The following NCK1 variants were observed in gnomAD, a reference collection of about 807,000 sequenced individuals.
NCK1 encodes SH2/SH3 adapter protein NCK1.
In NCK1, 19 loss-of-function variants were observed where a neutral mutation model predicts 36.6. The observed-to-expected ratio is 0.52, with a 90% CI of 0.36 to 0.76. NCK1 has a LOEUF of 0.76. NCK1 is among the 30% of genes least tolerant of loss of function. The pLI is 0.00. For missense variants in NCK1, 358 were observed against 445.6 expected, an observed-to-expected ratio of 0.80 and a Z score of 1.77; for synonymous variants, 165 against 156.0, an observed-to-expected ratio of 1.06 and a Z score of -0.43.
chr3:136,937,604 T>G (rs1362035342), intron 2 of NCK1, among the ~76,000 whole-genome samples: 1 of 152,206 alleles, frequency 6.6e-6, no homozygotes, highest in African/African-American at 2.4e-5. Context: ...TATTTAAGTC[T>G]TCTTTAATTT....
intron 1 of NCK1, among the ~76,000 whole-genome samples, chr3:136,885,408 C>G (rs1156778608): frequency 1.3e-5 from 2 of 152,146 alleles, no homozygotes; most frequent in Admixed American, 1.3e-4. Flanking sequence ...AGTACAGTGG[C>G]CTGATAACTC....
At chr3:136,930,324 TAAG>T (rs1940358894) in intron 2 of NCK1, 1 of 485,914 alleles carries the variant, frequency 2.1e-6, no homozygotes, top group Non-Finnish European at 3.1e-6. Flanking sequence ...GTCTGAATAA[TAAG>T]GTCATATTTT....
chr3:136,924,295 A>C (rs901982899), intron 1 of NCK1, among the ~76,000 whole-genome samples: 1 of 152,240 alleles, frequency 6.6e-6, no homozygotes, highest in Non-Finnish European at 1.5e-5. Flanking sequence ...CTCTAGAAAT[A>C]ATTACCAGTT....
chr3:136,948,474 T>G lies in NCK1; in HGVS notation c.*21T>G, dbSNP rs940776085. Reference sequence around the variant, plus strand: ...CATGATACTGCTGACCAGAAGTGACTGCTGTGTAGCTGTAATTTGTCATGT... The same window carrying G: ...CATGATACTGCTGACCAGAAGTGACGGCTGTGTAGCTGTAATTTGTCATGT... On this transcript the variant is annotated 3_prime_UTR_variant, in exon 4 of 4. Coordinates refer to ENST00000481752, the MANE Select transcript of NCK1 (RefSeq NM_001291999.2). 9.4e-6 allele frequency: 15 copies of G among 1,593,842 alleles called. No individual in the cohort carries two copies. The highest frequency in any genetic ancestry group is 1.1e-5 in the Non-Finnish European group (13 of 1,166,728).
At chr3:136,914,525 G>C (rs535702562) in intron 1 of NCK1, among the ~76,000 whole-genome samples, 1 of 152,176 alleles carries the variant, frequency 6.6e-6, no homozygotes, top group Non-Finnish European at 1.5e-5. Context: ...TTTCATTAGA[G>C]TTAGAAGAGT....
intron 2 of NCK1, among the ~76,000 whole-genome samples, chr3:136,939,815 C>A: frequency 7.9e-6 from 1 of 126,916 alleles, no homozygotes; most frequent in Admixed American, 7.8e-5. Context: ...CTTTGTATGA[C>A]TTCAATCTCA....
chr3:136,887,716 A>G (rs141663091), intron 1 of NCK1, among the ~76,000 whole-genome samples: 2 of 152,266 alleles, frequency 1.3e-5, no homozygotes, highest in African/African-American at 4.8e-5. Flanking sequence ...GGAGAAGAGG[A>G]CAGGGAAAGA....
chr3:136,929,477 T>G (rs891089302), intron 2 of NCK1, among the ~76,000 whole-genome samples: 5 of 152,234 alleles, frequency 3.3e-5, no homozygotes, highest in African/African-American at 1.2e-4. Flanking sequence ...TAAATACTTT[T>G]GGGTTTTGTG....
intron 2 of NCK1, among the ~76,000 whole-genome samples, chr3:136,936,429 G>T (rs1364652277): frequency 6.6e-6 from 1 of 152,112 alleles, no homozygotes; most frequent in Non-Finnish European, 1.5e-5. Context: ...CCATATTTTG[G>T]TTATTGTGAA....
At chr3:136,913,741 C>T (rs960051216) in intron 1 of NCK1, among the ~76,000 whole-genome samples, 7 of 152,188 alleles carry the variant, frequency 4.6e-5, no homozygotes, top group Non-Finnish European at 7.4e-5. Context: ...CGATCTCGGC[C>T]CACTGCAAGC....
intron 1 of NCK1, among the ~76,000 whole-genome samples, chr3:136,912,800 C>T (rs541833365): frequency 4.7e-4 from 72 of 152,064 alleles, no homozygotes; most frequent in African/African-American, 1.5e-3. Context: ...GAACTACTTG[C>T]GCTGCTGTGC....
At chr3:136,882,318 C>T (rs570086788) in intron 1 of NCK1, among the ~76,000 whole-genome samples, 85 of 152,018 alleles carry the variant, frequency 5.6e-4, no homozygotes, top group African/African-American at 2.0e-3. Context: ...GTATATATTT[C>T]GAGAAATGTC....
intron 1 of NCK1, among the ~76,000 whole-genome samples, chr3:136,916,688 A>T (rs181963150): frequency 1.3e-5 from 2 of 152,346 alleles, no homozygotes; most frequent in East Asian, 3.9e-4. Flanking sequence ...TAATAATTAG[A>T]TTAGAAGGGT....
intron 2 of NCK1, among the ~76,000 whole-genome samples, chr3:136,932,118 CA>C (rs1288026754): frequency 0.026 from 1,555 of 59,326 alleles, 14 homozygotes; most frequent in African/African-American, 0.06. Flanking sequence ...GACTCCATCT[CA>C]AAAAAAAAAA....
chr3:136,923,194 A>G (rs990773661), intron 1 of NCK1, among the ~76,000 whole-genome samples: 1 of 152,054 alleles, frequency 6.6e-6, no homozygotes, highest in Non-Finnish European at 1.5e-5. Flanking sequence ...CAATTTTCTT[A>G]TATATTTTTC....
intron 1 of NCK1, among the ~76,000 whole-genome samples, chr3:136,864,011 G>C (rs1012862264): frequency 3.2e-4 from 48 of 152,214 alleles, no homozygotes; most frequent in African/African-American, 1.1e-3. Flanking sequence ...TGAGGCAGGA[G>C]AATGGCGTGA....
At chr3:136,930,202 G>A (rs1429251296) in intron 2 of NCK1, among the ~76,000 whole-genome samples, 2 of 152,102 alleles carry the variant, frequency 1.3e-5, no homozygotes, top group Non-Finnish European at 2.9e-5. Context: ...GGTTGTGCTG[G>A]TGGAGACATT....
At chr3:136,881,514 G>A (rs1467252971) in intron 1 of NCK1, among the ~76,000 whole-genome samples, 3 of 152,170 alleles carry the variant, frequency 2.0e-5, no homozygotes, top group African/African-American at 7.2e-5. Flanking sequence ...ACCACGCCCA[G>A]CTTCTATTTT....
At chr3:136,926,095 A>G (rs1940229502) in intron 1 of NCK1, among the ~76,000 whole-genome samples, 1 of 152,060 alleles carries the variant, frequency 6.6e-6, no homozygotes, top group South Asian at 2.1e-4. Flanking sequence ...ATACCTTTTC[A>G]TCTGCTTATT....
Sources: gnomAD v4.1 joint callset for allele counts (sites outside exome capture counted in the v4.1 genomes callset) on GRCh38, gnomAD v4.1.1 for gene constraint, MANE v1.5 for transcripts, NCBI Gene and HGNC (gene_info 2026-07-23, HGNC 2026-07-21) for gene names.